Variants in SNX18 observed in about 807,000 individuals in gnomAD.
SNX18 encodes the protein sorting nexin 18, also known as sorting nexin-18.
A neutral mutation model predicts 48.7 loss-of-function variants in SNX18; 35 were observed. The observed-to-expected ratio is 0.72, with a 90% CI of 0.55 to 0.95. The LOEUF is 0.95. Ranked by LOEUF, SNX18 falls within the 40% of genes least tolerant of loss-of-function variation. The pLI, the probability that SNX18 is intolerant of heterozygous loss-of-function variation, is 0.00. For missense variants in SNX18, 824 were observed against 871.0 expected, an observed-to-expected ratio of 0.95 and a Z score of 0.68; for synonymous variants, 492 against 384.7, an observed-to-expected ratio of 1.28 and a Z score of -3.26.
chr5:54,549,281 AT>A (rs1486359829), downstream of SNX18, among the ~76,000 whole-genome samples: 5 of 152,160 alleles, frequency 3.3e-5, no homozygotes, highest in Non-Finnish European at 7.3e-5. Context: ...TAATAAGAAC[AT>A]TGTGTCACCT....
At chr5:54,554,509 CAG>C in the SNX18 span, among the ~76,000 whole-genome samples, 1 of 152,182 alleles carries the variant, frequency 6.6e-6, no homozygotes, top group Non-Finnish European at 1.5e-5. Flanking sequence ...TAGAGAGTCA[CAG>C]AGAGTCAGTG....
At chr5:54,526,238 G>A (rs559404865) in intron 1 of SNX18, among the ~76,000 whole-genome samples, 1 of 152,168 alleles carries the variant, frequency 6.6e-6, no homozygotes, top group East Asian at 1.9e-4. Context: ...CCGAGTAACT[G>A]GGATTACAGG....
At chr5:54,531,383 C>G (rs1237809478) in intron 1 of SNX18, among the ~76,000 whole-genome samples, 1 of 152,096 alleles carries the variant, frequency 6.6e-6, no homozygotes, top group Non-Finnish European at 1.5e-5. Flanking sequence ...AAAGGAAAGA[C>G]AAGGAATGGG....
chr5:54,623,929 T>C, the SNX18 span, among the ~76,000 whole-genome samples: 1 of 152,210 alleles, frequency 6.6e-6, no homozygotes, highest in African/African-American at 2.4e-5. Context: ...CTTTGAGGTA[T>C]AGAAACAGAA....
At chr5:54,591,000 C>T in the SNX18 span, among the ~76,000 whole-genome samples, 14 of 152,166 alleles carry the variant, frequency 9.2e-5, no homozygotes, top group East Asian at 2.7e-3. Flanking sequence ...GCTCATCCTC[C>T]CCATCCCCCC....
chr5:54,573,047 G>T, the SNX18 span, among the ~76,000 whole-genome samples: 1 of 151,646 alleles, frequency 6.6e-6, no homozygotes, highest in East Asian at 1.9e-4. Context: ...AATAATGTTT[G>T]CTAAACACAC....
At chr5:54,590,082 C>T in the SNX18 span, among the ~76,000 whole-genome samples, 1 of 152,244 alleles carries the variant, frequency 6.6e-6, no homozygotes, top group Non-Finnish European at 1.5e-5. Context: ...TGAGCCACTG[C>T]ACCCAGCCCT....
chr5:54,556,024 G>T, the SNX18 span, among the ~76,000 whole-genome samples: 1 of 152,066 alleles, frequency 6.6e-6, no homozygotes, highest in Non-Finnish European at 1.5e-5. Flanking sequence ...CTCACCAAAA[G>T]CAGAAAGAGA....
Position 54,545,484 on chromosome 5 carries a change from T to C in SNX18, c.*2052T>C, listed in dbSNP as rs901615285. The C allele has an allele frequency of 6.6e-6, 1 of 152,108 alleles. No individual in the cohort carries two copies. The highest frequency in any genetic ancestry group is 1.5e-5 in the Non-Finnish European group (1 of 68,022). The allele number at this position is 152,108 out of a possible 1,614,324, so 9.4% of individuals were successfully genotyped here. On this transcript the variant is annotated 3_prime_UTR_variant, in exon 2 of 2. Coordinates refer to ENST00000381410, the MANE Select transcript of SNX18 (RefSeq NM_001102575.2). ...TGGAAATTATCTGAGGTATATTGTATGATTGTACTTTAGCCAGGGTGGACA... is the reference window on the plus strand; with the variant it reads ...TGGAAATTATCTGAGGTATATTGTACGATTGTACTTTAGCCAGGGTGGACA...
At chr5:54,580,808 T>G in the SNX18 span, among the ~76,000 whole-genome samples, 2 of 152,234 alleles carry the variant, frequency 1.3e-5, no homozygotes, top group African/African-American at 4.8e-5. Flanking sequence ...CCTGCCAGGA[T>G]GAAAACAGTA....
chr5:54,583,285 C>G, the SNX18 span, among the ~76,000 whole-genome samples: 1 of 152,152 alleles, frequency 6.6e-6, no homozygotes, highest in Non-Finnish European at 1.5e-5. Flanking sequence ...CCTTGCTAGA[C>G]TTCTTATTTC....
At chr5:54,631,395 A>G in the SNX18 span, among the ~76,000 whole-genome samples, 1 of 152,234 alleles carries the variant, frequency 6.6e-6, no homozygotes, top group African/African-American at 2.4e-5. Flanking sequence ...GTTTCAGCAG[A>G]TGTTTAGCTT....
At chr5:54,640,212 T>C in the SNX18 span, among the ~76,000 whole-genome samples, 1 of 139,498 alleles carries the variant, frequency 7.2e-6, no homozygotes, top group Non-Finnish European at 1.5e-5. Context: ...AATAGATTCT[T>C]TTTTTTTTTT....
chr5:54,577,594 T>C, the SNX18 span, among the ~76,000 whole-genome samples: 1 of 152,032 alleles, frequency 6.6e-6, no homozygotes, highest in Non-Finnish European at 1.5e-5. Flanking sequence ...CGAGGATTAG[T>C]TTGTCAGTCT....
the SNX18 span, among the ~76,000 whole-genome samples, chr5:54,567,384 A>G: frequency 6.6e-6 from 1 of 152,078 alleles, no homozygotes; most frequent in Non-Finnish European, 1.5e-5. Flanking sequence ...TGCAAGCTGT[A>G]TCCACAGGAA....
At chr5:54,643,357 T>C in the SNX18 span, among the ~76,000 whole-genome samples, 1 of 152,208 alleles carries the variant, frequency 6.6e-6, no homozygotes, top group African/African-American at 2.4e-5. Flanking sequence ...ACTGCATCTA[T>C]AGGACTTGAA....
the SNX18 span, among the ~76,000 whole-genome samples, chr5:54,612,242 T>C: frequency 6.9e-6 from 1 of 145,240 alleles, no homozygotes; most frequent in Non-Finnish European, 1.5e-5. Context: ...ATTTTCCTCT[T>C]AGAGGGTGGG....
At chr5:54,542,828 G>A (rs1762496860) in intron 1 of SNX18, among the ~76,000 whole-genome samples, 1 of 152,190 alleles carries the variant, frequency 6.6e-6, no homozygotes, top group South Asian at 2.1e-4. Context: ...TTTTGAGCCT[G>A]TGAAAACTGC....
At chr5:54,535,970 G>A (rs1442204104) in intron 1 of SNX18, among the ~76,000 whole-genome samples, 2 of 152,218 alleles carry the variant, frequency 1.3e-5, no homozygotes, top group Non-Finnish European at 2.9e-5. Context: ...GGAAGAATTC[G>A]AGTAATCCAC....
Sources: allele counts gnomAD v4.1 joint callset (sites outside exome capture counted in the v4.1 genomes callset), GRCh38; gene constraint gnomAD v4.1.1; transcripts MANE v1.5; gene names NCBI Gene and HGNC (gene_info 2026-07-23, HGNC 2026-07-21).